Variants in NSMCE2 observed in about 807,000 individuals in gnomAD.
The protein encoded by NSMCE2 is E3 SUMO-protein ligase NSE2.
In NSMCE2, 24 loss-of-function variants were observed where a neutral mutation model predicts 23.8. The observed-to-expected ratio is 1.01, with a 90% CI of 0.73 to 1.42. The LOEUF is 1.42. Among genes scored for constraint, NSMCE2 ranks in the 40% most tolerant of loss-of-function variants. The pLI, the probability that NSMCE2 is intolerant of heterozygous loss-of-function variation, is 0.00. For synonymous variants in NSMCE2, 92 were observed against 94.1 expected, an observed-to-expected ratio of 0.98 and a Z score of 0.13; for missense variants, 284 against 296.5, an observed-to-expected ratio of 0.96 and a Z score of 0.31.
At chr8:125,288,674 T>A (rs893441463) in intron 5 of NSMCE2, among the ~76,000 whole-genome samples, 26 of 152,232 alleles carry the variant, frequency 1.7e-4, no homozygotes, top group Admixed American at 1.5e-3. Context: ...CAGGCCTCAT[T>A]GCCCCTTTAG....
chr8:125,139,884 GA>G (rs1430132532), intron 3 of NSMCE2, among the ~76,000 whole-genome samples: 2 of 152,204 alleles, frequency 1.3e-5, no homozygotes, highest in African/African-American at 4.8e-5. Context: ...CTGAAAAGTA[GA>G]GCACAGAGAT....
chr8:125,357,147 CCCTT>C, intron 5 of NSMCE2, 68 bp from the exon 6 acceptor site: 1 of 993,512 alleles, frequency 1.0e-6, no homozygotes, highest in Non-Finnish European at 1.6e-6. Context: ...CTCTTCACCT[CCCTT>C]CCTTCCATTC....
At chr8:125,366,129 G>A (rs979815161) in intron 7 of NSMCE2, among the ~76,000 whole-genome samples, 2 of 152,140 alleles carry the variant, frequency 1.3e-5, no homozygotes, top group Non-Finnish European at 2.9e-5. Context: ...TGAAGCTGTG[G>A]CCCCAGCACT....
intron 4 of NSMCE2, among the ~76,000 whole-genome samples, chr8:125,161,306 A>C (rs1419129987): frequency 1.3e-5 from 2 of 152,308 alleles, no homozygotes; most frequent in East Asian, 3.9e-4. Context: ...CTTTTTTAAA[A>C]AAAAAGTCTA....
chr8:125,258,320 A>AG (rs1826529647), intron 5 of NSMCE2, among the ~76,000 whole-genome samples: 1 of 152,222 alleles, frequency 6.6e-6, no homozygotes, highest in Admixed American at 6.5e-5. Flanking sequence ...AACAAGGGCT[A>AG]GCTCACAAGA....
chr8:125,291,987 A>G (rs903240660), intron 5 of NSMCE2, among the ~76,000 whole-genome samples: 5 of 152,096 alleles, frequency 3.3e-5, no homozygotes, highest in African/African-American at 7.2e-5. Context: ...CCCGCACTCA[A>G]TTCATTCAAG....
At chr8:125,358,649 A>T (rs1289686805) in intron 7 of NSMCE2, among the ~76,000 whole-genome samples, 1 of 151,948 alleles carries the variant, frequency 6.6e-6, no homozygotes, top group Non-Finnish European at 1.5e-5. Flanking sequence ...TGCTCTTATC[A>T]TGGATTTGTT....
At chr8:125,228,839 A>G (rs1250018383) in intron 5 of NSMCE2, among the ~76,000 whole-genome samples, 2 of 152,120 alleles carry the variant, frequency 1.3e-5, no homozygotes, top group Non-Finnish European at 2.9e-5. Flanking sequence ...TCACGTTACA[A>G]TCCTGTGAAC....
At chr8:125,349,280 C>T (rs907943431) in intron 5 of NSMCE2, among the ~76,000 whole-genome samples, 5 of 152,142 alleles carry the variant, frequency 3.3e-5, no homozygotes, top group Admixed American at 3.3e-4. Flanking sequence ...TGCACATTAG[C>T]GTGACCCCCA....
intron 5 of NSMCE2, among the ~76,000 whole-genome samples, chr8:125,286,648 A>G (rs547699800): frequency 6.6e-6 from 1 of 152,158 alleles, no homozygotes; most frequent in African/African-American, 2.4e-5. Flanking sequence ...ATACACATAC[A>G]TATATTTAAA....
chr8:125,283,620 A>G (rs750099993), intron 5 of NSMCE2, among the ~76,000 whole-genome samples: 32 of 152,202 alleles, frequency 2.1e-4, no homozygotes, highest in Non-Finnish European at 4.0e-4. Context: ...GTGAATATCA[A>G]TAAGATCAGG....
In NSMCE2 at chr8:125,235,140, C is replaced by T. The variant is rs1370603428; in HGVS notation, c.418+52884C>T. Among the ~76,000 whole-genome samples the T allele has an allele frequency of 2.0e-5, 3 of 151,948 alleles. No individual in the cohort carries two copies. The East Asian group carries it at 5.8e-4, about 29-fold the overall frequency. On this transcript the variant is annotated intron_variant, in intron 5 of 7. Transcript: ENST00000287437. ...CCTGTAATCCCAGCTACTCGGGAGG[C>T]TGAGGCGGGAGAATCACTTGAACCT...
At chr8:125,199,438 C>T (rs1205432726) in intron 5 of NSMCE2, among the ~76,000 whole-genome samples, 1 of 152,142 alleles carries the variant, frequency 6.6e-6, no homozygotes, top group Non-Finnish European at 1.5e-5. Flanking sequence ...TCGTTATTTA[C>T]CCAGTAGTCA....
chr8:125,307,372 G>C lies in NSMCE2; in HGVS notation c.419-49847G>C, dbSNP rs138817411. On this transcript the variant is annotated intron_variant, in intron 5 of 7. Transcript: ENST00000287437. Reference sequence around the variant, plus strand: ...ATAGGCAGGCGGCCAGCCAGCCATCGTGTTGTCTGTTTCATAATGTGTTGT... The same window carrying C: ...ATAGGCAGGCGGCCAGCCAGCCATCCTGTTGTCTGTTTCATAATGTGTTGT... Among the ~76,000 whole-genome samples, 373 of 152,326 alleles carry C rather than the reference G, an allele frequency of 2.4e-3. 1 individual carries two copies. The highest frequency in any genetic ancestry group is 8.8e-3 in the African/African-American group (364 of 41,586).
At chr8:125,355,130 G>A (rs575272512) in intron 5 of NSMCE2, among the ~76,000 whole-genome samples, 23 of 152,234 alleles carry the variant, frequency 1.5e-4, no homozygotes, top group South Asian at 1.0e-3. Flanking sequence ...CAAGCATTTC[G>A]GATAAGGGAT....
intron 1 of NSMCE2, among the ~76,000 whole-genome samples, chr8:125,097,579 T>C (rs1381367181): frequency 6.6e-6 from 1 of 152,178 alleles, no homozygotes; most frequent in Non-Finnish European, 1.5e-5. Context: ...GTGCCTTCAT[T>C]TCCGTGAAGC....
intron 5 of NSMCE2, among the ~76,000 whole-genome samples, chr8:125,277,801 A>G (rs1398667926): frequency 6.6e-6 from 1 of 152,230 alleles, no homozygotes; most frequent in Non-Finnish European, 1.5e-5. Context: ...GGCGTGAGCC[A>G]CTGCGCCCAG....
intron 5 of NSMCE2, among the ~76,000 whole-genome samples, chr8:125,305,545 T>G (rs1828723123): frequency 6.6e-6 from 1 of 151,974 alleles, no homozygotes; most frequent in South Asian, 2.1e-4. Context: ...AGCTCAGGGG[T>G]GCATGTGGGG....
At chr8:125,243,123 C>T (rs539711173) in intron 5 of NSMCE2, among the ~76,000 whole-genome samples, 7 of 152,112 alleles carry the variant, frequency 4.6e-5, no homozygotes, top group African/African-American at 7.2e-5. Context: ...GACATTGGCT[C>T]ACCCCTGAAA....
Sources: allele counts gnomAD v4.1 joint callset (sites outside exome capture counted in the v4.1 genomes callset), GRCh38; gene constraint gnomAD v4.1.1; transcripts MANE v1.5; gene names NCBI Gene and HGNC (gene_info 2026-07-23, HGNC 2026-07-21).